Variants in ADAMTSL1 observed in about 807,000 individuals in gnomAD.
ADAMTSL1 encodes the protein ADAMTS-like protein 1.
In ADAMTSL1, 126 loss-of-function variants were observed where a neutral mutation model predicts 201.8. The ratio of observed to expected loss-of-function variants is 0.62; its 90% CI spans 0.54 to 0.72. The LOEUF (loss-of-function observed/expected upper bound fraction) is 0.72. Ranked by LOEUF, ADAMTSL1 falls within the 30% of genes least tolerant of loss-of-function variation. The probability of loss-of-function intolerance (pLI) is 0.00; values close to 1 mark genes in which losing one functional copy is unlikely to be tolerated. For synonymous variants in ADAMTSL1, 1,121 were observed against 903.4 expected (o/e 1.24, Z -4.32); for missense variants, 2,679 against 2,277.8 (o/e 1.18, Z -3.59).
intron 1 of ADAMTSL1, among the ~76,000 whole-genome samples, chr9:18,501,102 C>A (rs145550478): frequency 1.6e-4 from 25 of 152,274 alleles, no homozygotes; most frequent in African/African-American, 5.5e-4. Flanking sequence ...TTAGGCGACC[C>A]ATTATCTACT....
At chr9:18,019,100 A>T (rs949152068) in intron 1 of ADAMTSL1, among the ~76,000 whole-genome samples, 1 of 151,858 alleles carries the variant, frequency 6.6e-6, no homozygotes, top group African/African-American at 2.4e-5. Context: ...AGGAAGGGGG[A>T]CTCTTGTTTA....
chr9:18,348,695 G>A (rs956159324), intron 2 of ADAMTSL1, among the ~76,000 whole-genome samples: 1 of 152,098 alleles, frequency 6.6e-6, no homozygotes, highest in African/African-American at 2.4e-5. Context: ...CTTCACCTGG[G>A]ACCACGTGGC....
At chr9:18,543,665 A>G (rs921224407) in intron 3 of ADAMTSL1, among the ~76,000 whole-genome samples, 3 of 152,186 alleles carry the variant, frequency 2.0e-5, no homozygotes, top group Non-Finnish European at 4.4e-5. Context: ...CTCATATTTT[A>G]TGACTAACTG....
At chr9:18,424,065 A>G (rs1215103708) in intron 2 of ADAMTSL1, among the ~76,000 whole-genome samples, 1 of 152,240 alleles carries the variant, frequency 6.6e-6, no homozygotes, top group Non-Finnish European at 1.5e-5. Context: ...GCTAAATTTA[A>G]CCTCAAAGAA....
At chr9:17,984,006 G>A (rs1818824239) in intron 1 of ADAMTSL1, among the ~76,000 whole-genome samples, 3 of 152,088 alleles carry the variant, frequency 2.0e-5, no homozygotes, top group African/African-American at 7.2e-5. Context: ...TTTAATAAGA[G>A]ATTTATAAAA....
intron 1 of ADAMTSL1, among the ~76,000 whole-genome samples, chr9:18,061,861 A>G (rs560300561): frequency 6.6e-6 from 1 of 152,356 alleles, no homozygotes; most frequent in South Asian, 2.1e-4. Flanking sequence ...TGATAGAAAT[A>G]CTTTGAATCA....
At chr9:18,462,532 A>T (rs1265539457) in intron 2 of ADAMTSL1, among the ~76,000 whole-genome samples, 1 of 152,234 alleles carries the variant, frequency 6.6e-6, no homozygotes. Flanking sequence ...GTTCTGTGCA[A>T]GAAAACCAAT....
At position 17,921,351 on chromosome 9, in the gene ADAMTSL1, C is replaced by T. The variant is rs563461021; in HGVS notation, c.87+14429C>T. Among the ~76,000 whole-genome samples the T allele has an allele frequency of 1.4e-4, 21 of 152,210 alleles. No individual in the cohort carries two copies. In the South Asian group the frequency reaches 2.1e-3, roughly 15 times the overall value. On this transcript the variant is annotated intron_variant, in intron 1 of 29. Transcript: ENST00000680146. ...TGACTCCTTGTTTTATCTCTCTGCC[C>T]GCACAATTCTGCTAAGTCAGTTACA... is the stretch of plus-strand genomic sequence containing the variant.
In ADAMTSL1 at chr9:18,848,340, C is replaced by A. The variant is rs150453772; in HGVS notation, c.4249+18363C>A. Among the ~76,000 whole-genome samples, 3 of 152,318 alleles carry A rather than the reference C, an allele frequency of 2.0e-5. No homozygotes were observed. In the East Asian group the frequency reaches 5.8e-4, roughly 29 times the overall value. ...CAAGTTACTTCTCCGTCTTCTACAA[C>A]CCATGTATAATAGAAGCTGGAATGG... is the stretch of plus-strand genomic sequence containing the variant. On this transcript the variant is annotated intron_variant, in intron 23 of 28. Transcript: ENST00000380548.
chr9:18,168,592 G>T (rs1220101261), intron 2 of ADAMTSL1, among the ~76,000 whole-genome samples: 1 of 151,334 alleles, frequency 6.6e-6, no homozygotes, highest in East Asian at 1.9e-4. Flanking sequence ...ACATACGTGT[G>T]CCTGTGTCTT....
intron 2 of ADAMTSL1, among the ~76,000 whole-genome samples, chr9:18,389,157 T>G (rs1045283297): frequency 6.9e-6 from 1 of 144,748 alleles, no homozygotes; most frequent in Non-Finnish European, 1.5e-5. Context: ...CAGATTTCTT[T>G]TTATTTCAAT....
chr9:18,044,791 T>A (rs1821588886), intron 1 of ADAMTSL1, among the ~76,000 whole-genome samples: 1 of 152,164 alleles, frequency 6.6e-6, no homozygotes, highest in Non-Finnish European at 1.5e-5. Context: ...CAGAAAGTTA[T>A]CAGCAGAGTC....
At chr9:17,963,052 G>C (rs1452399933) in intron 1 of ADAMTSL1, among the ~76,000 whole-genome samples, 1 of 152,222 alleles carries the variant, frequency 6.6e-6, no homozygotes, top group African/African-American at 2.4e-5. Context: ...AAATGCCCTT[G>C]AGATAAGTAA....
intron 15 of ADAMTSL1, among the ~76,000 whole-genome samples, chr9:18,729,693 T>C (rs1194947017): frequency 2.0e-5 from 3 of 152,210 alleles, no homozygotes; most frequent in African/African-American, 7.2e-5. Context: ...GATACAGTAA[T>C]GAACAAGACC....
At chr9:18,052,688 CTG>C (rs1821992135) in intron 1 of ADAMTSL1, among the ~76,000 whole-genome samples, 2 of 152,198 alleles carry the variant, frequency 1.3e-5, no homozygotes, top group East Asian at 3.9e-4. Flanking sequence ...AAAGTAGAAA[CTG>C]TATTAAAAAC....
chr9:18,550,814 T>A (rs576637702), intron 3 of ADAMTSL1, among the ~76,000 whole-genome samples: 1 of 152,062 alleles, frequency 6.6e-6, no homozygotes, highest in Admixed American at 6.6e-5. Context: ...TGACCATAAC[T>A]TTGGTGGGTT....
At chr9:18,891,492 T>C (rs1375721298) in intron 25 of ADAMTSL1, among the ~76,000 whole-genome samples, 2 of 152,174 alleles carry the variant, frequency 1.3e-5, no homozygotes, top group Non-Finnish European at 2.9e-5. Context: ...TCCCTGCCTG[T>C]TTGTATATGG....
chr9:18,307,288 T>C (rs1359300506), intron 2 of ADAMTSL1, among the ~76,000 whole-genome samples: 1 of 152,108 alleles, frequency 6.6e-6, no homozygotes, highest in Non-Finnish European at 1.5e-5. Flanking sequence ...CTGCATCAAC[T>C]AACAGGCAAA....
At chr9:18,736,843 A>G (rs553713596) in intron 15 of ADAMTSL1, among the ~76,000 whole-genome samples, 81 of 152,334 alleles carry the variant, frequency 5.3e-4, no homozygotes, top group African/African-American at 1.9e-3. Flanking sequence ...TTTAAATGGA[A>G]GCCTACCCCA....
Sources: gnomAD v4.1 joint callset for allele counts (sites outside exome capture counted in the v4.1 genomes callset) on GRCh38, gnomAD v4.1.1 for gene constraint, MANE v1.5 for transcripts, NCBI Gene and HGNC (gene_info 2026-07-23, HGNC 2026-07-21) for gene names.